The following ZSCAN25 variants were observed in gnomAD, a reference collection of about 807,000 sequenced individuals.
The protein encoded by ZSCAN25 is zinc finger and SCAN domain-containing protein 25.
Under a neutral mutation model 38.7 loss-of-function variants are expected in ZSCAN25, and 27 were observed. The ratio of observed to expected loss-of-function variants is 0.70; its 90% CI spans 0.51 to 0.96. The LOEUF is 0.96. Ranked by LOEUF, ZSCAN25 falls within the 40% of genes least tolerant of loss-of-function variation. ZSCAN25 has a pLI of 0.00. For missense variants in ZSCAN25, 637 were observed against 705.9 expected (o/e 0.90, Z 1.11); for synonymous variants, 273 against 277.7 (o/e 0.98, Z 0.17).
chr7:99,622,311 G>C, intron 5 of ZSCAN25: 1 of 555,654 alleles, frequency 1.8e-6, no homozygotes. Flanking sequence ...GACGGACAGG[G>C]CCGGGACAAT....
chr7:99,632,986 G>GTTTTTTGTTTTTTTTTTTGTTT (rs201141594), downstream of ZSCAN25, among the ~76,000 whole-genome samples: 1 of 141,482 alleles, frequency 7.1e-6, no homozygotes, highest in African/African-American at 2.8e-5. Context: ...TGCATTTTCT[G>GTTTTTTGTTTTTTTTTTTGTTT]TTGTTTTTTT....
At chr7:99,626,181 A>C (rs776376285) in intron 7 of ZSCAN25, among the ~76,000 whole-genome samples, 9 of 152,240 alleles carry the variant, frequency 5.9e-5, no homozygotes, top group Non-Finnish European at 8.8e-5. Flanking sequence ...GGAATCACAG[A>C]GGCAAAAAGT....
the ZSCAN25 span, among the ~76,000 whole-genome samples, chr7:99,650,767 T>C: frequency 3.3e-5 from 5 of 151,936 alleles, no homozygotes; most frequent in African/African-American, 1.2e-4. Context: ...TCCTCCTCCT[T>C]CTCTTCCTTT....
the ZSCAN25 span, among the ~76,000 whole-genome samples, chr7:99,651,376 A>G: frequency 6.6e-6 from 1 of 152,232 alleles, no homozygotes; most frequent in Non-Finnish European, 1.5e-5. Context: ...AGTTCCTGAC[A>G]CATGGCAAGC....
At chr7:99,705,454 T>A in the ZSCAN25 span, 1 of 1,600,172 alleles carries the variant, frequency 6.2e-7, no homozygotes. Context: ...TCTGGTGTTC[T>A]GGGGCACAGC....
downstream of ZSCAN25, among the ~76,000 whole-genome samples, chr7:99,634,791 C>T (rs55851067): frequency 0.017 from 2,577 of 149,760 alleles, 65 homozygotes; most frequent in African/African-American, 0.058. Context: ...AGTGAGACTC[C>T]GTCTCAAAAA....
the ZSCAN25 span, chr7:99,731,080 T>G: frequency 6.2e-7 from 1 of 1,613,774 alleles, no homozygotes; most frequent in Middle Eastern, 1.7e-4. Flanking sequence ...ACAAAGCATT[T>G]CCCAAAAAAG....
the ZSCAN25 span, among the ~76,000 whole-genome samples, chr7:99,656,729 T>C: frequency 6.6e-6 from 1 of 152,232 alleles, no homozygotes; most frequent in Non-Finnish European, 1.5e-5. Context: ...TTTTGGTTGG[T>C]AAGCTATTAA....
At chr7:99,649,265 G>T in the ZSCAN25 span, among the ~76,000 whole-genome samples, 1 of 152,180 alleles carries the variant, frequency 6.6e-6, no homozygotes, top group African/African-American at 2.4e-5. Context: ...CCATAGATAA[G>T]ATGGCAACCA....
At chr7:99,654,103 T>C in the ZSCAN25 span, among the ~76,000 whole-genome samples, 1 of 152,182 alleles carries the variant, frequency 6.6e-6, no homozygotes, top group Non-Finnish European at 1.5e-5. Context: ...TTTTATACTT[T>C]AAGTTTTAGG....
the ZSCAN25 span, among the ~76,000 whole-genome samples, chr7:99,673,831 G>T: frequency 6.6e-6 from 1 of 152,218 alleles, no homozygotes; most frequent in South Asian, 2.1e-4. Context: ...GCAGACACTG[G>T]ACAGAAGGCG....
chr7:99,721,969 G>T, the ZSCAN25 span, among the ~76,000 whole-genome samples: 1 of 152,084 alleles, frequency 6.6e-6, no homozygotes, highest in South Asian at 2.1e-4. Context: ...GTCCAACCTT[G>T]GTGTGGCATC....
chr7:99,709,632 G>A, the ZSCAN25 span, among the ~76,000 whole-genome samples: 9 of 152,096 alleles, frequency 5.9e-5, no homozygotes, highest in Admixed American at 4.6e-4. Context: ...GAGGTTACAC[G>A]TCTGTAACCA....
chr7:99,669,672 G>A, the ZSCAN25 span, among the ~76,000 whole-genome samples: 9 of 152,012 alleles, frequency 5.9e-5, no homozygotes, highest in Non-Finnish European at 1.2e-4. Context: ...CTACAGATAC[G>A]GCACAACTTG....
the ZSCAN25 span, chr7:99,695,928 T>A: frequency 9.3e-7 from 1 of 1,078,690 alleles, no homozygotes; most frequent in Non-Finnish European, 1.4e-6. Flanking sequence ...ACTGGAATGC[T>A]CAAGAGAAGG....
the ZSCAN25 span, chr7:99,672,690 A>T: frequency 4.3e-6 from 7 of 1,613,542 alleles, no homozygotes; most frequent in Non-Finnish European, 1.7e-6. Flanking sequence ...CTGTGTGGGG[A>T]CAACGGAGCT....
chr7:99,722,145 A>C, the ZSCAN25 span: 2 of 946,862 alleles, frequency 2.1e-6, no homozygotes, highest in Non-Finnish European at 3.3e-6. Flanking sequence ...TCCCAAATAC[A>C]TATCTTCTTC....
In ZSCAN25 at chr7:99,632,282, A is replaced by G. The variant is rs1199635868; in HGVS notation, c.*2262A>G. 6.8e-5 allele frequency: 67 copies of G among 978,484 alleles called. No homozygotes were observed. The highest frequency in any genetic ancestry group is 8.0e-5 in the Non-Finnish European group (66 of 823,834). The allele number at this position is 978,484 out of a possible 1,614,324, so 60.6% of individuals were successfully genotyped here. Reference sequence around the variant, plus strand: ...TTTTCATATCTATTCAAATGTTAAGAAATATTTTGTTTTCTGTATTTTTCT... The same window carrying G: ...TTTTCATATCTATTCAAATGTTAAGGAATATTTTGTTTTCTGTATTTTTCT... On this transcript the variant is annotated 3_prime_UTR_variant, in exon 8 of 8. Coordinates refer to ENST00000394152, the MANE Select transcript of ZSCAN25 (RefSeq NM_145115.3).
chr7:99,700,104 G>T, the ZSCAN25 span: 2 of 1,121,100 alleles, frequency 1.8e-6, no homozygotes, highest in Non-Finnish European at 2.7e-6. Context: ...TTGCTGGGCT[G>T]TCTGCCTGGA....
Sources: gnomAD v4.1 joint callset for allele counts (sites outside exome capture counted in the v4.1 genomes callset) on GRCh38, gnomAD v4.1.1 for gene constraint, MANE v1.5 for transcripts, NCBI Gene and HGNC (gene_info 2026-07-23, HGNC 2026-07-21) for gene names.